Variants in NOC2L observed in about 807,000 individuals in gnomAD.
The protein encoded by NOC2L is NOC2 like nucleolar associated transcriptional repressor, also known as nucleolar complex protein 2 homolog.
NOC2L carries 101 observed loss-of-function variants against 94.2 expected under a neutral mutation model. The observed-to-expected ratio is 1.07, with a 90% CI of 0.91 to 1.26. The LOEUF is 1.26. Among genes scored for constraint, NOC2L ranks in the 50% most tolerant of loss-of-function variants. The pLI, the probability that NOC2L is intolerant of heterozygous loss-of-function variation, is 0.00. For missense variants in NOC2L, 1,076 were observed against 980.1 expected (o/e 1.10, Z -1.31); for synonymous variants, 531 against 413.4 (o/e 1.28, Z -3.45).
At chr1:945,961 A>G (rs1450579214) in intron 16 of NOC2L, among the ~76,000 whole-genome samples, 1 of 152,076 alleles carries the variant, frequency 6.6e-6, no homozygotes, top group Admixed American at 6.5e-5. Context: ...GGCCTCCCCA[A>G]CCTAGTGCAG....
rs545096972 is a variant in NOC2L, at chr1:956,169, C to T, written c.533G>A (p.Arg178Gln). 9 of 1,613,884 alleles carry T rather than the reference C, an allele frequency of 5.6e-6. No homozygotes were observed. Among genetic ancestry groups the T allele is most frequent in the East Asian group, 2.2e-5 (1 of 44,880 alleles). ...CCCTCGGGTGGTGGCCACAGCTGCTCGGAACGCCTGTACCACTTCATGGAA... is the reference window on the plus strand; with the variant it reads ...CCCTCGGGTGGTGGCCACAGCTGCTTGGAACGCCTGTACCACTTCATGGAA... ...KLFHEVVQAFRAAVATTRGDQ... is the reference protein window; with the variant it reads ...KLFHEVVQAFQAAVATTRGDQ... Residue 178 changes from arginine to glutamine, a missense_variant, in exon 5 of 19, where the codon CGA becomes CAA. Arg to Gln is a conservative substitution (Grantham distance 43). Transcript: ENST00000327044.
intron 12 of NOC2L, among the ~76,000 whole-genome samples, chr1:950,486 CACACTGGTAT>C (rs1255359933): frequency 1.3e-5 from 2 of 152,120 alleles, no homozygotes; most frequent in Non-Finnish European, 2.9e-5. Flanking sequence ...CACACAGGTA[CACACTGGTAT>C]ACAAAGACAC....
intron 16 of NOC2L, 53 bp from the exon 17 acceptor site, chr1:945,706 C>T (rs1642087555): frequency 6.2e-7 from 1 of 1,612,762 alleles, no homozygotes; most frequent in Non-Finnish European, 8.5e-7. Flanking sequence ...GGGCTGGCGG[C>T]CACAGCAGGG....
intron 14 of NOC2L, 175 bp from the exon 15 acceptor site, chr1:946,720 C>T: frequency 1.4e-6 from 1 of 722,780 alleles, no homozygotes; most frequent in Non-Finnish European, 2.2e-6. Flanking sequence ...GAGGCAGAAT[C>T]AGCCCACCCT....
chr1:956,083 C>T lies in NOC2L; in HGVS notation c.607+12G>A, dbSNP rs1642393218. On this transcript the variant is annotated intron_variant, in intron 5 of 18. Coordinates refer to ENST00000327044, the MANE Select transcript of NOC2L (RefSeq NM_015658.4). ...ACAGACAGCCTGGATGCCAGGCTCC[C>T]CCCAAGCTCACCAGCACTGTCCGTG... 1 of 1,613,994 alleles carries T rather than the reference C, an allele frequency of 6.2e-7. No individual in the cohort carries two copies. Among genetic ancestry groups the T allele is most frequent in the South Asian group, 1.1e-5 (1 of 91,090 alleles).
intron 2 of NOC2L, chr1:957,756 C>T (rs1364298386): frequency 6.1e-6 from 1 of 163,142 alleles, no homozygotes; most frequent in Non-Finnish European, 1.4e-5. Flanking sequence ...TCTGTTTCCA[C>T]CCTTGTCACC....
chr1:946,776 T>A (rs947210260), intron 14 of NOC2L: 1 of 499,572 alleles, frequency 2.0e-6, no homozygotes. Context: ...TAAAGTTTTA[T>A]GCCAGGCGTG....
In NOC2L at chr1:957,219, G is replaced by C. The variant is rs1235395053; in HGVS notation, c.234C>G (p.Asp78Glu). The C allele has an allele frequency of 6.2e-7, 1 of 1,613,482 alleles. No homozygotes were observed. The highest frequency in any genetic ancestry group is 2.2e-5 in the East Asian group (1 of 44,862). Residue 78 changes from aspartate (D) to glutamate (E), a missense_variant, in exon 3 of 19, where the codon GAC becomes GAG. Around this residue, in one of 3 missense-constraint regions of NOC2L, gnomAD observed 457 missense variants for 386.0 expected, o/e 1.18. Coordinates refer to ENST00000327044, the MANE Select transcript of NOC2L (RefSeq NM_015658.4). ...EHKDQLSRLK[D>E]RDPEFYKFLQ... ...GGAACTTGTAGAACTCGGGGTCTCT[G>C]TCCTTCAGCCGAGAGAGCTGGTCTT...
Position 955,964 on chromosome 1 carries a change from G to T in NOC2L, c.657C>A (p.Leu219=). ...CCACCTTTCCAAACAGCAGCTTCTG[G>T]AGACAGCCAATGAGGTCTCTGATGC... The part of the protein sequence containing the change: ...TFCIRDLIGC[L]QKLLFGKVAK... The change falls in exon 6 of 19, where the codon CTC becomes CTA. Residue 219 remains leucine (L), a synonymous_variant. Transcript: ENST00000327044. The T allele has an allele frequency of 6.2e-7, 1 of 1,613,886 alleles. No homozygotes were observed. The highest frequency in any genetic ancestry group is 1.1e-5 in the South Asian group (1 of 91,054).
intron 18 of NOC2L, 75 bp from the exon 19 acceptor site, chr1:944,875 A>C: frequency 7.7e-7 from 1 of 1,302,642 alleles, no homozygotes; most frequent in Non-Finnish European, 1.1e-6. Flanking sequence ...ACTCATCACT[A>C]ATTAATCACG....
At chr1:948,010 G>A in intron 14 of NOC2L, 121 bp downstream of exon 14, 1 of 763,264 alleles carries the variant, frequency 1.3e-6, no homozygotes, top group Admixed American at 2.3e-5. Flanking sequence ...GTTGCCAGCA[G>A]TCAGGTTCCA....
At position 951,180 on chromosome 1, in the gene NOC2L, G is replaced by A. The variant is rs528773242; in HGVS notation, c.1390C>T (p.Leu464=). The A allele has an allele frequency of 2.3e-5, 37 of 1,597,922 alleles. No homozygotes were observed. The highest frequency in any genetic ancestry group is 3.1e-5 in the Non-Finnish European group (36 of 1,172,572). ...AAGGCCCCCGAGCTCCCCGAGAGCA[G>A]CGTCAGGGCACGGATGCAGTGCATT... is the stretch of plus-strand genomic sequence containing the variant. ...LRMHCIRALT[L]LSGSSGAFIP... Residue 464 remains leucine, a synonymous_variant, in exon 12 of 19, where the codon CTG becomes TTG. Transcript: ENST00000327044.
At chr1:949,292 T>C (rs567863652) in intron 12 of NOC2L, among the ~76,000 whole-genome samples, 2 of 152,126 alleles carry the variant, frequency 1.3e-5, no homozygotes, top group Non-Finnish European at 2.9e-5. Flanking sequence ...AAGCAGATTA[T>C]GGGGGGCCCA....
In NOC2L at chr1:952,090, AG is replaced by A. The variant is rs1557619790; in HGVS notation, c.1240del (p.Leu414CysfsTer6). 1 of 1,613,668 alleles carries A rather than the reference AG, an allele frequency of 6.2e-7. No individual in the cohort carries two copies. The stretch of plus-strand genomic sequence containing the variant: ...CGCAGTGCTCAGGACCCGGCACCAC[AG>A]GAAGAGGCAGTGCACATACTGCCAG... ...YNWQYVHCLF[L>X]WCRVLSTAGP... On this transcript the variant is annotated frameshift_variant, in exon 11 of 19. Coordinates refer to ENST00000327044, the MANE Select transcript of NOC2L (RefSeq NM_015658.4). LOFTEE classifies it high-confidence loss of function.
chr1:958,948 C>A lies in NOC2L; in HGVS notation c.160G>T (p.Gly54Cys), dbSNP rs1642500039. ...REAARSPDKPGGSPSASRRKG... is the reference protein window; with the variant it reads ...REAARSPDKPCGSPSASRRKG... ...ACTAACCTGGCCGAGGGGCTCCCGC[C>A]CGGCTTATCCGGACTCCGGGCAGCC... The change falls in exon 2 of 19, where the codon GGC becomes TGC. Residue 54 changes from glycine to cysteine, a missense_variant. Physicochemically the swap from Gly to Cys is radical, Grantham distance 159. This residue lies in a region of NOC2L where 457 missense variants were observed against 386.0 expected (regional missense o/e 1.18). Coordinates refer to ENST00000327044, the MANE Select transcript of NOC2L (RefSeq NM_015658.4). 1.2e-6 allele frequency: 2 copies of A among 1,612,656 alleles called. No homozygotes were observed. Among genetic ancestry groups the A allele is most frequent in the Admixed American group, 1.7e-5 (1 of 60,002 alleles).
rs567518523 is a variant in NOC2L, at chr1:944,472, C to A, written c.*222G>T. 1.4e-6 allele frequency: 1 copy of A among 701,496 alleles called. No individual in the cohort carries two copies. Among genetic ancestry groups the A allele is most frequent in the Admixed American group, 3.6e-5 (1 of 27,428 alleles). 43.5% of individuals were successfully genotyped at this position (701,496 alleles called of 1,614,324 possible). A position where few individuals can be genotyped will look rare whatever the true frequency, so the allele number is the denominator to read the frequency against. ...GTCAGCTCCCCCGCGGAGCTGACTT[C>A]AGCAGCCCACAGCTGTGGGGCTTCA... On this transcript the variant is annotated 3_prime_UTR_variant, in exon 19 of 19. Transcript: ENST00000327044.
At position 958,710 on chromosome 1, in the gene NOC2L, G is replaced by A. The variant is rs112787277; in HGVS notation, c.179+219C>T. ...TCTCCTAGATCGGGAAGAGATTTTTGCACAACTCACCAACATACGCTCCCT... is the reference window on the plus strand; with the variant it reads ...TCTCCTAGATCGGGAAGAGATTTTTACACAACTCACCAACATACGCTCCCT... On this transcript the variant is annotated intron_variant, in intron 2 of 18. Coordinates refer to ENST00000327044, the MANE Select transcript of NOC2L (RefSeq NM_015658.4). 244 of 700,778 alleles carry A rather than the reference G, an allele frequency of 3.5e-4. 1 individual carries two copies. In the African/African-American group the frequency reaches 3.8e-3, roughly 11 times the overall value. The allele number at this position is 700,778 out of a possible 1,614,324, so 43.4% of individuals were successfully genotyped here. A position where few individuals can be genotyped will look rare whatever the true frequency, so the allele number is the denominator to read the frequency against.
intron 2 of NOC2L, 117 bp downstream of exon 2, chr1:958,810 TGG>T: frequency 1.0e-6 from 1 of 989,168 alleles, no homozygotes; most frequent in Non-Finnish European, 1.6e-6. Flanking sequence ...CTGAAAGGAC[TGG>T]GGGGCAGAGG....
Position 948,478 on chromosome 1 carries a change from G to C in NOC2L, c.1557+12C>G. 1 of 1,602,168 alleles carries C rather than the reference G, an allele frequency of 6.2e-7. No homozygotes were observed. The highest frequency in any genetic ancestry group is 2.2e-5 in the East Asian group (1 of 44,830). The stretch of plus-strand genomic sequence containing the variant: ...GAACTGCCCAGGCCCCTCCCCAGGA[G>C]GCCAGCCTCACCCGGTACGCCTTCT... On this transcript the variant is annotated intron_variant, in intron 13 of 18. Transcript: ENST00000327044.
Sources: gnomAD v4.1 joint callset for allele counts (sites outside exome capture counted in the v4.1 genomes callset) on GRCh38, gnomAD v4.1.1 for gene constraint, gnomAD v4.1.1 regional missense constraint, MANE v1.5 for transcripts, NCBI Gene and HGNC (gene_info 2026-07-23, HGNC 2026-07-21) for gene names.